Variants in USP9X observed in about 807,000 individuals in gnomAD.
USP9X encodes the protein ubiquitin specific peptidase 9 X-linked.
Under a neutral mutation model 190.3 loss-of-function variants are expected in USP9X, and 7 were observed. The ratio of observed to expected loss-of-function variants is 0.04; its 90% CI spans 0.02 to 0.07. USP9X has a LOEUF of 0.07. Ranked by LOEUF, USP9X falls within the 10% of genes least tolerant of loss-of-function variation. USP9X has a pLI of 1.00. For synonymous variants in USP9X, 645 were observed against 659.5 expected (o/e 0.98, Z 0.34); for missense variants, 1,010 against 1,916.9 (o/e 0.53, Z 8.83).
rs1349414688 is a variant in USP9X at position 41,163,715 on chromosome X, T to A, written c.1985+838T>A. Among the ~76,000 whole-genome samples, 7 of 101,865 alleles carry A rather than the reference T, an allele frequency of 6.9e-5. No individual in the cohort carries two copies. The Admixed American group carries it at 7.4e-4, about 11-fold the overall frequency. 88.5% of individuals were successfully genotyped at this position (101,865 alleles called of 115,157 possible). On this transcript the variant is annotated intron_variant, in intron 15 of 44. Transcript: ENST00000378308. ...TTGCAGTGAGCTGTGATTGCACCAC[T>A]GCACTCCAGACCCTGTCTCAAAAAA...
At chrX:41,136,688 G>T (rs1340895261) in intron 5 of USP9X, 116 bp from the exon 6 acceptor site, 4 of 526,826 alleles carry the variant, frequency 7.6e-6, no homozygotes, top group Non-Finnish European at 1.2e-5. Flanking sequence ...CAATATTAAT[G>T]ATTAGAAAAA....
intron 16 of USP9X, among the ~76,000 whole-genome samples, chrX:41,166,454 A>G (rs1391353846): frequency 9.0e-6 from 1 of 111,212 alleles, no homozygotes; most frequent in African/African-American, 3.3e-5. Flanking sequence ...TGTGTATTCC[A>G]TAGATGTGCA....
At chrX:41,208,333 C>T (rs1373963260) in intron 32 of USP9X, among the ~76,000 whole-genome samples, 2 of 112,341 alleles carry the variant, frequency 1.8e-5, no homozygotes, top group Non-Finnish European at 3.8e-5. Flanking sequence ...CTGAGGCTTA[C>T]ACTTTTTAAA....
rs767682794 is a variant in USP9X, at chrX:41,216,063, C to T, written c.5496C>T (p.Val1832=). The T allele has an allele frequency of 6.6e-6, 8 of 1,209,714 alleles. No homozygotes were observed. The highest frequency in any genetic ancestry group is 2.2e-5 in the Admixed American group (1 of 45,643). The change falls in exon 35 of 45, where the codon GTC becomes GTT. Residue 1832 remains valine, a synonymous_variant. Coordinates refer to ENST00000378308, the MANE Select transcript of USP9X (RefSeq NM_001039591.3). ...LDMEPYTVAG[V]AKLEGDNVNP... is the part of the protein sequence containing the mutation. ...TGGAACCTTACACAGTTGCAGGTGT[C>T]GCAAAGCTGGAAGGGGATAATGTAA...
At chrX:41,086,446 CCCCGCCGTCCGCA>C (rs1395047395) in intron 1 of USP9X, among the ~76,000 whole-genome samples, 2 of 112,467 alleles carry the variant, frequency 1.8e-5, no homozygotes, top group African/African-American at 6.4e-5. Flanking sequence ...CGGGCAGCCC[CCCCGCCGTCCGCA>C]CCCGGGGGCC....
chrX:41,130,203 A>G (rs187339486), intron 3 of USP9X, among the ~76,000 whole-genome samples: 474 of 111,380 alleles, frequency 4.3e-3, no homozygotes, highest in Non-Finnish European at 7.2e-3. Context: ...AATAAATTCC[A>G]TTGTTTTTAA....
At chrX:41,169,827 C>T (rs1276184696) in intron 18 of USP9X, among the ~76,000 whole-genome samples, 168 bp from the exon 19 acceptor site, 2 of 111,634 alleles carry the variant, frequency 1.8e-5, no homozygotes, top group Non-Finnish European at 3.8e-5. Context: ...TTGTCTGGTC[C>T]CAGACATTTC....
intron 1 of USP9X, among the ~76,000 whole-genome samples, chrX:41,103,314 C>T (rs927394046): frequency 8.9e-6 from 1 of 112,300 alleles, no homozygotes; most frequent in African/African-American, 3.2e-5. Flanking sequence ...TAAGTCTTTT[C>T]GTTTTGATGA....
chrX:41,147,346 T>C (rs2062475896), intron 11 of USP9X, among the ~76,000 whole-genome samples: 1 of 110,930 alleles, frequency 9.0e-6, no homozygotes, highest in African/African-American at 3.3e-5. Context: ...TTTGTTATTT[T>C]GTGTAGGCTG....
chrX:41,100,065 A>G, intron 1 of USP9X, among the ~76,000 whole-genome samples: 1 of 112,020 alleles, frequency 8.9e-6, no homozygotes. Flanking sequence ...CAAAACCCAG[A>G]CAGCATTTCA....
At chrX:41,125,718 T>TCTCTCG (rs1176200100) in intron 2 of USP9X, among the ~76,000 whole-genome samples, 14 of 99,217 alleles carry the variant, frequency 1.4e-4, no homozygotes, top group South Asian at 9.0e-4. Context: ...TCTCTCTCTC[T>TCTCTCG]CGCGCACGCG....
intron 1 of USP9X, among the ~76,000 whole-genome samples, chrX:41,101,607 C>T (rs909333924): frequency 3.6e-5 from 4 of 110,380 alleles, no homozygotes; most frequent in African/African-American, 1.3e-4. Flanking sequence ...CCCGCCACCA[C>T]GCCTATAGCA....
intron 5 of USP9X, among the ~76,000 whole-genome samples, chrX:41,135,327 G>GTGAAAA (rs1020138277): frequency 4.5e-5 from 5 of 110,579 alleles, no homozygotes; most frequent in Admixed American, 1.9e-4. Context: ...AAAAAAAAAA[G>GTGAAAA]TGAAAATCTA....
Position 41,141,228 on chromosome X carries a change from TAC to T in USP9X, c.1022+12_1022+13del. ...AAAAATGATACTTAGGTAAGATACT[TAC>T]CTCTTGAAATAATTGTTAATGCCGA... On this transcript the variant is annotated intron_variant, in intron 8 of 44. Transcript: ENST00000378308. The T allele has an allele frequency of 8.4e-7, 1 of 1,194,506 alleles. No individual in the cohort carries two copies. Among genetic ancestry groups the T allele is most frequent in the Non-Finnish European group, 1.1e-6 (1 of 887,153 alleles).
At chrX:41,179,714 G>A (rs2062809659) in intron 21 of USP9X, among the ~76,000 whole-genome samples, 1 of 111,857 alleles carries the variant, frequency 8.9e-6, no homozygotes. Context: ...GAGTTGGAAA[G>A]GCTTCTTAAT....
At chrX:41,160,122 A>G (rs1012573930) in intron 14 of USP9X, among the ~76,000 whole-genome samples, 15 of 109,272 alleles carry the variant, frequency 1.4e-4, no homozygotes, top group African/African-American at 5.0e-4. Context: ...ATGATTCACT[A>G]CCTCTTCCTA....
At chrX:41,127,160 A>G (rs1458411459) in intron 2 of USP9X, among the ~76,000 whole-genome samples, 4 of 111,997 alleles carry the variant, frequency 3.6e-5, no homozygotes, top group African/African-American at 1.3e-4. Flanking sequence ...AAAGGTTTAT[A>G]TATGAGAACA....
At chrX:41,164,982 C>G (rs1054801181) in intron 15 of USP9X, among the ~76,000 whole-genome samples, 6 of 111,253 alleles carry the variant, frequency 5.4e-5, no homozygotes, top group East Asian at 2.8e-4. Context: ...TATCAGATTC[C>G]AAATGGGATT....
chrX:41,232,238 T>TTTTTG, intron 44 of USP9X, 149 bp from the exon 45 acceptor site: 2 of 602,261 alleles, frequency 3.3e-6, no homozygotes, highest in Middle Eastern at 6.1e-4. Flanking sequence ...TTTGTTTTTG[T>TTTTTG]TTTTGTTTTG....
Sources: gnomAD v4.1 joint callset for allele counts (sites outside exome capture counted in the v4.1 genomes callset) on GRCh38, gnomAD v4.1.1 for gene constraint, MANE v1.5 for transcripts, NCBI Gene and HGNC (gene_info 2026-07-23, HGNC 2026-07-21) for gene names.